Variants in HS3ST3B1 observed in about 807,000 individuals in gnomAD.
HS3ST3B1 encodes the protein heparan sulfate glucosamine 3-O-sulfotransferase 3B1.
A neutral mutation model predicts 21.3 loss-of-function variants in HS3ST3B1; 13 were observed. That is an observed-to-expected ratio of 0.61 (90% confidence interval 0.40 to 0.97). The LOEUF is 0.97. Among genes scored for constraint, HS3ST3B1 ranks in the 50% least tolerant of loss-of-function variants. The probability of loss-of-function intolerance (pLI) is 0.00; values close to 1 mark genes in which losing one functional copy is unlikely to be tolerated. For synonymous variants in HS3ST3B1, 234 were observed against 254.8 expected (o/e 0.92, Z 0.78); for missense variants, 459 against 554.8 (o/e 0.83, Z 1.73).
Position 14,301,146 on chromosome 17 carries a change from G to A in HS3ST3B1, c.-373G>A. The stretch of plus-strand genomic sequence containing the variant: ...TGCTCGAGGCTCAGTTCTTAGGACT[G>A]CAAGGAGGCAGCCCCGGCGTGCGGC... On this transcript the variant is annotated 5_prime_UTR_variant, in exon 1 of 2. Transcript: ENST00000360954. The A allele has an allele frequency of 4.3e-6, 1 of 233,764 alleles. No individual in the cohort carries two copies. 14.5% of individuals were successfully genotyped at this position (233,764 alleles called of 1,614,324 possible). A position where few individuals can be genotyped will look rare whatever the true frequency, so the allele number is the denominator to read the frequency against.
Position 14,301,660 on chromosome 17 carries a change from C to G in HS3ST3B1, c.142C>G (p.Leu48Val), listed in dbSNP as rs748717955. The G allele has an allele frequency of 2.5e-6, 4 of 1,605,818 alleles. No individual in the cohort carries two copies. The highest frequency in any genetic ancestry group is 3.3e-5 in the Admixed American group (2 of 59,740). ...GCTCTGCGTCTGGCTCTATATGTTC[C>G]TGTACTCGTGCGCCGGCTCCTGCGC... ...AMLCVWLYMF[L>V]YSCAGSCAAA... The change falls in exon 1 of 2, where the codon CTG becomes GTG. Residue 48 changes from leucine (L) to valine (V), a missense_variant. Around this residue, in one of 3 missense-constraint regions of HS3ST3B1, gnomAD observed 317 missense variants for 278.6 expected, o/e 1.14. Transcript: ENST00000360954.
Position 14,301,175 on chromosome 17 carries a change from G to A in HS3ST3B1, c.-344G>A. 3.4e-6 allele frequency: 1 copy of A among 297,866 alleles called. No homozygotes were observed. Among genetic ancestry groups the A allele is most frequent in the Non-Finnish European group, 6.2e-6 (1 of 162,300 alleles). The allele number at this position is 297,866 out of a possible 1,614,324, so 18.5% of individuals were successfully genotyped here. On this transcript the variant is annotated 5_prime_UTR_variant, in exon 1 of 2. Coordinates refer to ENST00000360954, the MANE Select transcript of HS3ST3B1 (RefSeq NM_006041.3). ...GGAGGCAGCCCCGGCGTGCGGCGGT[G>A]CGCACAGTCTAGAGTGGCCAGGGCG...
chr17:14,325,840 C>T (rs1238911025), intron 1 of HS3ST3B1, among the ~76,000 whole-genome samples: 1 of 152,220 alleles, frequency 6.6e-6, no homozygotes, highest in East Asian at 1.9e-4. Context: ...TATGTGGCTT[C>T]TCATTGCCTC....
chr17:14,309,591 G>A (rs1009001057), intron 1 of HS3ST3B1, among the ~76,000 whole-genome samples: 8 of 152,222 alleles, frequency 5.3e-5, no homozygotes, highest in Non-Finnish European at 1.2e-4. Flanking sequence ...CTGGCTGTTG[G>A]CAGCTCAGCT....
In HS3ST3B1 at chr17:14,301,492, G is replaced by C; in HGVS notation, c.-27G>C. On this transcript the variant is annotated 5_prime_UTR_variant, in exon 1 of 2. It removes an upstream start codon present in the reference 5' UTR. Transcript: ENST00000360954. ...GGACCCACGCCATGTGCTGAGCCAT[G>C]TCCCTGGCCGCGCCCGCGGGCAGCG... The C allele has an allele frequency of 6.7e-7, 1 of 1,481,962 alleles. No homozygotes were observed. 91.8% of individuals were successfully genotyped at this position (1,481,962 alleles called of 1,614,324 possible). A position where few individuals can be genotyped will look rare whatever the true frequency, so the allele number is the denominator to read the frequency against.
intron 1 of HS3ST3B1, among the ~76,000 whole-genome samples, chr17:14,306,829 T>TA (rs11462805): frequency 0.44 from 66,062 of 149,098 alleles, 14,749 homozygotes; most frequent in Admixed American, 0.54. Context: ...TGGGTGAAGA[T>TA]AAAAAAAAAA....
intron 1 of HS3ST3B1, among the ~76,000 whole-genome samples, chr17:14,311,907 T>C (rs147157458): frequency 4.5e-4 from 69 of 152,304 alleles, no homozygotes; most frequent in African/African-American, 1.1e-3. Context: ...AAGCCTGATG[T>C]TTTTACTTTT....
rs1375842302 is a variant in HS3ST3B1, at chr17:14,301,677, C to T, written c.159C>T (p.Gly53=). The T allele has an allele frequency of 1.2e-6, 2 of 1,601,900 alleles. No homozygotes were observed. The highest frequency in any genetic ancestry group is 2.3e-5 in the East Asian group (1 of 43,818). The change falls in exon 1 of 2, where the codon GGC becomes GGT. Residue 53 remains glycine, a synonymous_variant. Coordinates refer to ENST00000360954, the MANE Select transcript of HS3ST3B1 (RefSeq NM_006041.3). ...ATATGTTCCTGTACTCGTGCGCCGG[C>T]TCCTGCGCCGCCGCGCCGGGGCTGC... The part of the protein sequence containing the change: ...WLYMFLYSCA[G]SCAAAPGLLL...
intron 1 of HS3ST3B1, among the ~76,000 whole-genome samples, chr17:14,335,341 A>G (rs1910153918): frequency 1.3e-5 from 2 of 152,220 alleles, no homozygotes; most frequent in South Asian, 2.1e-4. Context: ...TTAGGAGCAG[A>G]TATCTTCAAA....
rs113516280 is a variant in HS3ST3B1 at position 14,313,113 on chromosome 17, T to TATAC, written c.554+11044_554+11045insCATA. 5.1e-3 allele frequency among the ~76,000 whole-genome samples: 657 copies of TATAC among 129,848 alleles called. 10 individuals are homozygous for TATAC. Among genetic ancestry groups the TATAC allele is most frequent in the Non-Finnish European group, 7.3e-3 (457 of 62,346 alleles). 85.2% of individuals were successfully genotyped at this position (129,848 alleles called of 152,430 possible). The stretch of plus-strand genomic sequence containing the variant: ...TGTGTGGTGTGTGTGTGTGTGTATA[T>TATAC]ATATATATATGTGTGTGTGTGTATA... On this transcript the variant is annotated intron_variant, in intron 1 of 1. Transcript: ENST00000360954.
In HS3ST3B1 at chr17:14,346,800, T is replaced by A. The variant is rs1255840242; in HGVS notation, c.*1154T>A. 1 of 152,220 alleles carries A rather than the reference T, an allele frequency of 6.6e-6. No individual in the cohort carries two copies. Among genetic ancestry groups the A allele is most frequent in the Non-Finnish European group, 1.5e-5 (1 of 68,068 alleles). The allele number at this position is 152,220 out of a possible 1,614,324, so 9.4% of individuals were successfully genotyped here. A position where few individuals can be genotyped will look rare whatever the true frequency, so the allele number is the denominator to read the frequency against. On this transcript the variant is annotated 3_prime_UTR_variant, in exon 2 of 2. Coordinates refer to ENST00000360954, the MANE Select transcript of HS3ST3B1 (RefSeq NM_006041.3). Reference sequence around the variant, plus strand: ...CGTTCCCCAGGCAGACAGTTCTGCTTTGACACACCAAAGAATCCCGTAGGC... The same window carrying A: ...CGTTCCCCAGGCAGACAGTTCTGCTATGACACACCAAAGAATCCCGTAGGC...
rs1052322450 is a variant in HS3ST3B1, at chr17:14,343,019, G to A, written c.555-2009G>A. Among the ~76,000 whole-genome samples, 23 of 152,284 alleles carry A rather than the reference G, an allele frequency of 1.5e-4. 1 individual carries two copies. Among genetic ancestry groups the A allele is most frequent in the Admixed American group, 5.9e-4 (9 of 15,290 alleles). ...AGCACTTTGGGAGGCCAAGGCGGGT[G>A]GATCACGAGGTCAGGAGATTGAGAC... On this transcript the variant is annotated intron_variant, in intron 1 of 1. Transcript: ENST00000360954.
chr17:14,310,395 A>G (rs1379781654), intron 1 of HS3ST3B1, among the ~76,000 whole-genome samples: 1 of 152,182 alleles, frequency 6.6e-6, no homozygotes, highest in Non-Finnish European at 1.5e-5. Context: ...CTCAGCCCAC[A>G]AAGGCCCCAG....
At chr17:14,320,474 C>CGAGGATGT (rs993798048) in intron 1 of HS3ST3B1, among the ~76,000 whole-genome samples, 1 of 151,934 alleles carries the variant, frequency 6.6e-6, no homozygotes, top group African/African-American at 2.4e-5. Context: ...TGAGGGGAGT[C>CGAGGATGT]GAGGATGTTT....
At chr17:14,343,088 A>T (rs1597604413) in intron 1 of HS3ST3B1, among the ~76,000 whole-genome samples, 2 of 152,204 alleles carry the variant, frequency 1.3e-5, no homozygotes, top group African/African-American at 4.8e-5. Context: ...CCAAAAATAC[A>T]AAAATTAGCC....
intron 1 of HS3ST3B1, among the ~76,000 whole-genome samples, chr17:14,315,779 C>A (rs968551022): frequency 2.0e-5 from 3 of 151,166 alleles, no homozygotes; most frequent in African/African-American, 7.3e-5. Flanking sequence ...TGAGATTGCA[C>A]CATTGCACTC....
chr17:14,332,861 G>A (rs1244278314), intron 1 of HS3ST3B1, among the ~76,000 whole-genome samples: 1 of 122,316 alleles, frequency 8.2e-6, no homozygotes, highest in Admixed American at 9.8e-5. Context: ...TTTTAATGTC[G>A]TAGGTTAAGA....
intron 1 of HS3ST3B1, among the ~76,000 whole-genome samples, chr17:14,322,393 C>T (rs928242278): frequency 6.6e-6 from 1 of 152,134 alleles, no homozygotes; most frequent in Non-Finnish European, 1.5e-5. Flanking sequence ...AGATCCTGAA[C>T]GTCTAGTCCT....
chr17:14,310,127 G>C (rs1055085610), intron 1 of HS3ST3B1, among the ~76,000 whole-genome samples: 1 of 152,138 alleles, frequency 6.6e-6, no homozygotes, highest in African/African-American at 2.4e-5. Context: ...TTAAATGACA[G>C]GACGAAGAGA....
Sources: allele counts gnomAD v4.1 joint callset (sites outside exome capture counted in the v4.1 genomes callset), GRCh38; gene constraint gnomAD v4.1.1; regional missense constraint gnomAD v4.1.1; transcripts MANE v1.5; gene names NCBI Gene and HGNC (gene_info 2026-07-23, HGNC 2026-07-21).